Variants in RCOR1 observed in about 807,000 individuals in gnomAD.
RCOR1 encodes REST corepressor 1.
A neutral mutation model predicts 64.0 loss-of-function variants in RCOR1; 12 were observed. The observed-to-expected ratio is 0.19, with a 90% CI of 0.12 to 0.30. The LOEUF (loss-of-function observed/expected upper bound fraction) is 0.30. Among genes scored for constraint, RCOR1 ranks in the 10% least tolerant of loss-of-function variants. The pLI is 1.00. For synonymous variants in RCOR1, 279 were observed against 227.2 expected (o/e 1.23, Z -2.05); for missense variants, 502 against 621.2 (o/e 0.81, Z 2.04).
At chr14:102,632,295 C>T (rs1461074667) in intron 2 of RCOR1, among the ~76,000 whole-genome samples, 1 of 150,188 alleles carries the variant, frequency 6.7e-6, no homozygotes, top group Non-Finnish European at 1.5e-5. Context: ...CGGCTCACTG[C>T]AAGTTGCGCA....
chr14:102,592,890 C>T lies in RCOR1; in HGVS notation c.4C>T (p.Pro2Ser), dbSNP rs1443428742. The change falls in exon 1 of 12, where the codon CCG becomes TCG. Residue 2 changes from proline (P) to serine (S), a missense_variant. Transcript: ENST00000262241. ...CGCACGGCCCCGGCCCCCGCCGATG[C>T]CGGCCATGGTGGAGAAGGGCCCCGA... M[P>S]AMVEKGPEVS... The T allele has an allele frequency of 1.6e-6, 2 of 1,226,864 alleles. No homozygotes were observed. The highest frequency in any genetic ancestry group is 2.0e-6 in the Non-Finnish European group (2 of 981,026). The allele number at this position is 1,226,864 out of a possible 1,614,324, so 76.0% of individuals were successfully genotyped here.
chr14:102,683,170 T>C (rs908088338), intron 3 of RCOR1, among the ~76,000 whole-genome samples: 1 of 152,240 alleles, frequency 6.6e-6, no homozygotes, highest in Non-Finnish European at 1.5e-5. Flanking sequence ...AGTTTTATTG[T>C]AAGCCCTGAT....
intron 2 of RCOR1, among the ~76,000 whole-genome samples, chr14:102,602,413 T>G (rs1893422716): frequency 1.2e-5 from 1 of 86,480 alleles, no homozygotes; most frequent in African/African-American, 3.8e-5. Flanking sequence ...TTTTTTTTTT[T>G]GGAGATGGAG....
At position 102,726,672 on chromosome 14, in the gene RCOR1, CTCGT is replaced by C. The variant is rs1896270150; in HGVS notation, c.*169_*172del. On this transcript the variant is annotated 3_prime_UTR_variant, in exon 12 of 12. Coordinates refer to ENST00000262241, the MANE Select transcript of RCOR1 (RefSeq NM_015156.4). ...GTGCTCCATCTGCCTTAATTCTTTG[CTCGT>C]TCCTCCATGTTGGCGCCACTTCCCA... The C allele has an allele frequency of 3.3e-6, 2 of 606,060 alleles. No individual in the cohort carries two copies. Among genetic ancestry groups the C allele is most frequent in the East Asian group, 6.0e-5 (2 of 33,522 alleles). 37.5% of individuals were successfully genotyped at this position (606,060 alleles called of 1,614,324 possible).
At chr14:102,609,010 TA>T (rs757048934) in intron 2 of RCOR1, among the ~76,000 whole-genome samples, 2 of 150,832 alleles carry the variant, frequency 1.3e-5, no homozygotes, top group African/African-American at 2.4e-5. Flanking sequence ...GGTTATGGAG[TA>T]ATTCTGTGCT....
intron 2 of RCOR1, among the ~76,000 whole-genome samples, chr14:102,603,086 T>C (rs966391609): frequency 2.4e-4 from 37 of 151,980 alleles, no homozygotes; most frequent in African/African-American, 4.6e-4. Flanking sequence ...ACCTTTTTTT[T>C]CCCCTTTTTT....
intron 2 of RCOR1, among the ~76,000 whole-genome samples, chr14:102,621,515 C>G (rs1187103703): frequency 6.6e-6 from 1 of 151,852 alleles, no homozygotes; most frequent in East Asian, 1.9e-4. Flanking sequence ...GTTTGGATTA[C>G]AGGCATGAGC....
chr14:102,638,602 T>C (rs1471694170), intron 2 of RCOR1, among the ~76,000 whole-genome samples: 3 of 152,212 alleles, frequency 2.0e-5, no homozygotes, highest in Non-Finnish European at 2.9e-5. Flanking sequence ...GGCCTTGGTC[T>C]TCTCAAAGGT....
intron 2 of RCOR1, among the ~76,000 whole-genome samples, chr14:102,605,067 CAAAAAAAAAA>C (rs71119718): frequency 0.016 from 1,459 of 94,020 alleles, 18 homozygotes; most frequent in Admixed American, 0.028. Flanking sequence ...TATTCCATCT[CAAAAAAAAAA>C]AAAAAAAAAA....
At position 102,657,534 on chromosome 14, in the gene RCOR1, T is replaced by G. The variant is rs184211273; in HGVS notation, c.362-24361T>G. On this transcript the variant is annotated intron_variant, in intron 2 of 11. Coordinates refer to ENST00000262241, the MANE Select transcript of RCOR1 (RefSeq NM_015156.4). ...TTTAAATATCATTTTACATGTTTACTCTCAAGATCTGATGATTGACTGACT... is the reference window on the plus strand; with the variant it reads ...TTTAAATATCATTTTACATGTTTACGCTCAAGATCTGATGATTGACTGACT... The G allele has an allele frequency of 1.0e-5, 10 of 983,502 alleles. No individual in the cohort carries two copies. The East Asian group carries it at 1.0e-3, about 101-fold the overall frequency. 60.9% of individuals were successfully genotyped at this position (983,502 alleles called of 1,614,324 possible).
chr14:102,727,902 T>C lies in RCOR1; in HGVS notation c.*1396T>C, dbSNP rs183407184. 9 of 152,768 alleles carry C rather than the reference T, an allele frequency of 5.9e-5. 1 individual carries two copies. Among genetic ancestry groups the C allele is most frequent in the African/African-American group, 2.2e-4 (9 of 41,584 alleles). The allele number at this position is 152,768 out of a possible 1,614,324, so 9.5% of individuals were successfully genotyped here. A position where few individuals can be genotyped will look rare whatever the true frequency, so the allele number is the denominator to read the frequency against. Reference sequence around the variant, plus strand: ...ATACCCTGTTCCCACCCCACGGCCATTCAGACTGCACTCAATACGCTGAAG... The same window carrying C: ...ATACCCTGTTCCCACCCCACGGCCACTCAGACTGCACTCAATACGCTGAAG... On this transcript the variant is annotated 3_prime_UTR_variant, in exon 12 of 12. Coordinates refer to ENST00000262241, the MANE Select transcript of RCOR1 (RefSeq NM_015156.4).
intron 2 of RCOR1, among the ~76,000 whole-genome samples, chr14:102,654,747 G>T (rs1194571127): frequency 6.8e-6 from 1 of 146,464 alleles, no homozygotes; most frequent in African/African-American, 2.5e-5. Context: ...AAAAAATATA[G>T]AATTGGTATC....
At chr14:102,636,527 C>T (rs926376559) in intron 2 of RCOR1, among the ~76,000 whole-genome samples, 5 of 151,296 alleles carry the variant, frequency 3.3e-5, no homozygotes, top group Admixed American at 1.3e-4. Flanking sequence ...GCTATTTCTT[C>T]CCCCAGGGCC....
chr14:102,596,795 C>T (rs1278572006), intron 2 of RCOR1, among the ~76,000 whole-genome samples: 1 of 151,460 alleles, frequency 6.6e-6, no homozygotes, highest in Non-Finnish European at 1.5e-5. Context: ...GAACTCTTTG[C>T]TTCAGGTGAT....
Position 102,723,845 on chromosome 14 carries a change from C to G in RCOR1, c.1419+1429C>G, listed in dbSNP as rs993330395. Among the ~76,000 whole-genome samples the G allele has an allele frequency of 3.9e-5, 6 of 152,162 alleles. No homozygotes were observed. In the South Asian group the frequency reaches 1.0e-3, roughly 26 times the overall value. ...GACTGGAAGCAGAAACAGTTGGGAA[C>G]GCTGGCTCTATTCCCTCTTCGCATT... On this transcript the variant is annotated intron_variant, in intron 11 of 11. Transcript: ENST00000262241.
At chr14:102,623,860 T>C (rs929537903) in intron 2 of RCOR1, among the ~76,000 whole-genome samples, 3 of 150,268 alleles carry the variant, frequency 2.0e-5, no homozygotes, top group African/African-American at 7.3e-5. Context: ...ATCGAGACCA[T>C]CCTGGCTAAC....
chr14:102,699,891 C>A (rs1949783768), intron 3 of RCOR1, among the ~76,000 whole-genome samples: 1 of 151,962 alleles, frequency 6.6e-6, no homozygotes, highest in African/African-American at 2.4e-5. Context: ...AGAATATCCT[C>A]AGGGAGGAAA....
chr14:102,695,168 T>G (rs1411774481), intron 3 of RCOR1, among the ~76,000 whole-genome samples: 1 of 152,192 alleles, frequency 6.6e-6, no homozygotes, highest in East Asian at 1.9e-4. Flanking sequence ...CTAGGGCATT[T>G]CGTTCATTGA....
chr14:102,682,355 C>T (rs1895323326), intron 3 of RCOR1, among the ~76,000 whole-genome samples: 1 of 152,198 alleles, frequency 6.6e-6, no homozygotes, highest in East Asian at 1.9e-4. Flanking sequence ...GTCTCAAACT[C>T]CTGACTTCAG....
Sources: gnomAD v4.1 joint callset for allele counts (sites outside exome capture counted in the v4.1 genomes callset) on GRCh38, gnomAD v4.1.1 for gene constraint, MANE v1.5 for transcripts, NCBI Gene and HGNC (gene_info 2026-07-23, HGNC 2026-07-21) for gene names.